Variants in KIF1A observed in about 807,000 individuals in gnomAD.
KIF1A encodes the protein kinesin family member 1A, also known as kinesin-like protein KIF1A.
In KIF1A, 46 loss-of-function variants were observed where a neutral mutation model predicts 227.3. That is an observed-to-expected ratio of 0.20 (90% confidence interval 0.16 to 0.26). The LOEUF (loss-of-function observed/expected upper bound fraction) is 0.26, where lower values mean the gene tolerates loss of function less well. KIF1A is among the 10% of genes least tolerant of loss of function. The pLI is 1.00. For synonymous variants in KIF1A, 1,022 were observed against 1,012.8 expected, an observed-to-expected ratio of 1.01 and a Z score of -0.17; for missense variants, 1,683 against 2,485.9, an observed-to-expected ratio of 0.68 and a Z score of 6.87.
intron 1 of KIF1A, among the ~76,000 whole-genome samples, chr2:240,813,566 G>A (rs568006986): frequency 9.8e-5 from 15 of 152,302 alleles, no homozygotes; most frequent in African/African-American, 3.4e-4. Context: ...AGCCTTCAGT[G>A]AGCTGAAGAA....
intron 1 of KIF1A, among the ~76,000 whole-genome samples, chr2:240,811,952 C>T (rs2057898507): frequency 6.6e-6 from 1 of 151,920 alleles, no homozygotes; most frequent in South Asian, 2.1e-4. Flanking sequence ...GGGATGGTGG[C>T]CATCCATGTG....
chr2:240,798,193 G>C (rs1472903262), intron 1 of KIF1A, among the ~76,000 whole-genome samples: 2 of 152,254 alleles, frequency 1.3e-5, no homozygotes, highest in Non-Finnish European at 2.9e-5. Context: ...AGCCAGTGCT[G>C]GCTCCAGATC....
intron 24 of KIF1A, 140 bp downstream of exon 24, chr2:240,761,089 G>A (rs2050465934): frequency 2.1e-5 from 23 of 1,090,476 alleles, no homozygotes; most frequent in Non-Finnish European, 2.4e-5. Flanking sequence ...CCCTTCTGGG[G>A]GGCCAGGTCA....
chr2:240,779,140 TCACAGTTCCA>T (rs1295847218), intron 10 of KIF1A, among the ~76,000 whole-genome samples: 17 of 141,194 alleles, frequency 1.2e-4, no homozygotes, highest in African/African-American at 3.9e-4. Flanking sequence ...ACTCAGTTCC[TCACAGTTCCA>T]CACAGTTCCA....
intron 7 of KIF1A, 133 bp from the exon 8 acceptor site, chr2:240,783,949 C>A (rs2054394443): frequency 2.9e-6 from 2 of 696,090 alleles, no homozygotes; most frequent in Non-Finnish European, 5.1e-6. Context: ...CGCCGCCCCT[C>A]CCCAGGCCCA....
chr2:240,764,365 G>A (rs985680583), intron 20 of KIF1A, among the ~76,000 whole-genome samples: 1 of 152,108 alleles, frequency 6.6e-6, no homozygotes, highest in Non-Finnish European at 1.5e-5. Flanking sequence ...CAGGGAGAAT[G>A]GGCACAGCTG....
chr2:240,725,644 T>C lies in KIF1A; in HGVS notation c.4123-240A>G. The C allele has an allele frequency of 1.9e-6, 1 of 515,598 alleles. No individual in the cohort carries two copies. The highest frequency in any genetic ancestry group is 3.4e-6 in the Non-Finnish European group (1 of 291,500). The allele number at this position is 515,598 out of a possible 1,614,324, so 31.9% of individuals were successfully genotyped here. A position where few individuals can be genotyped will look rare whatever the true frequency, so the allele number is the denominator to read the frequency against. On this transcript the variant is annotated intron_variant, in intron 39 of 48. Coordinates refer to ENST00000498729, the MANE Select transcript of KIF1A (RefSeq NM_001244008.2). This position sits in a 1 kb window ranked among gnomAD's most constrained non-coding sequence, Gnocchi z 5.8. Reference sequence around the variant, plus strand: ...CCCTGGGCTGCCTGAGGGACTGGTCTCCATGTGTGGGGACCCCGAGGGTCC... The same window carrying C: ...CCCTGGGCTGCCTGAGGGACTGGTCCCCATGTGTGGGGACCCCGAGGGTCC...
At chr2:240,738,154 G>A (rs145329535) in intron 37 of KIF1A, among the ~76,000 whole-genome samples, 27 of 152,306 alleles carry the variant, frequency 1.8e-4, no homozygotes, top group East Asian at 3.9e-4. Context: ...GGAGGGGAGC[G>A]CAGCTGCTCT....
At chr2:240,734,701 A>G (rs1278490182) in intron 38 of KIF1A, 2 of 1,303,850 alleles carry the variant, frequency 1.5e-6, no homozygotes, top group African/African-American at 1.5e-5. Context: ...AGGGTAAACC[A>G]AGGGTCACAG....
chr2:240,801,799 A>G (rs2056997187), intron 1 of KIF1A, among the ~76,000 whole-genome samples: 1 of 152,232 alleles, frequency 6.6e-6, no homozygotes, highest in African/African-American at 2.4e-5. Flanking sequence ...TCCTCAGCCA[A>G]TGTGCCTTAC....
chr2:240,773,929 C>T (rs997106038), intron 12 of KIF1A, among the ~76,000 whole-genome samples: 1 of 152,328 alleles, frequency 6.6e-6, no homozygotes, highest in African/African-American at 2.4e-5. Context: ...ACAGCTCTCC[C>T]AGTCTGGTGC....
Position 240,790,582 on chromosome 2 carries a change from C to A in KIF1A, c.107-1270G>T, listed in dbSNP as rs1575641395. 6.6e-6 allele frequency among the ~76,000 whole-genome samples: 1 copy of A among 151,894 alleles called. No homozygotes were observed. The highest frequency in any genetic ancestry group is 1.5e-5 in the Non-Finnish European group (1 of 68,004). On this transcript the variant is annotated intron_variant, in intron 2 of 48. Transcript: ENST00000498729. The surrounding 1 kb of genome is among the most constrained non-coding windows in gnomAD (Gnocchi z 5.0). ...CTAATTTCATATTTTGAAGCCTTTA[C>A]CCCCAGTATCTCAGAATGGGACCTC...
intron 10 of KIF1A, 124 bp from the exon 11 acceptor site, chr2:240,776,050 G>T: frequency 1.4e-6 from 1 of 715,012 alleles, no homozygotes. Flanking sequence ...GGCGGGGCCC[G>T]CTCTGCTGGA....
intron 42 of KIF1A, 95 bp from the exon 43 acceptor site, chr2:240,722,751 C>T: frequency 1.1e-6 from 1 of 950,266 alleles, no homozygotes; most frequent in Non-Finnish European, 1.5e-6. Context: ...TCTGGGCAGA[C>T]CCCGGAGAGC....
chr2:240,720,459 G>T (rs6735606), intron 45 of KIF1A, among the ~76,000 whole-genome samples: 27 of 152,240 alleles, frequency 1.8e-4, no homozygotes, highest in African/African-American at 6.0e-4. Context: ...CCCTTAAGGC[G>T]CTTAAAACAA....
intron 38 of KIF1A, among the ~76,000 whole-genome samples, chr2:240,733,625 C>T (rs2047001436): frequency 6.6e-6 from 1 of 152,198 alleles, no homozygotes; most frequent in Non-Finnish European, 1.5e-5. Context: ...CCCTCTGCCA[C>T]AGTTGTCAAT....
At chr2:240,744,496 G>A (rs1325670292) in intron 32 of KIF1A, among the ~76,000 whole-genome samples, 1 of 152,210 alleles carries the variant, frequency 6.6e-6, no homozygotes, top group Non-Finnish European at 1.5e-5. Context: ...TCCTGGGATA[G>A]GGCCTTTACA....
intron 11 of KIF1A, 63 bp from the exon 12 acceptor site, chr2:240,774,324 C>T (rs563500794): frequency 2.7e-4 from 288 of 1,068,550 alleles, no homozygotes; most frequent in Non-Finnish European, 4.0e-4. Flanking sequence ...ATGTCTGCTC[C>T]CCCCTTCCCC....
intron 23 of KIF1A, 23 bp from the exon 24 acceptor site, chr2:240,761,400 G>T: frequency 6.4e-7 from 1 of 1,560,176 alleles, no homozygotes. Context: ...GTCACACGTG[G>T]TCATCGCAGG....
Sources: gnomAD v4.1 joint callset for allele counts (sites outside exome capture counted in the v4.1 genomes callset) on GRCh38, gnomAD v4.1.1 for gene constraint, Gnocchi (gnomAD v3.1) non-coding constraint, MANE v1.5 for transcripts, NCBI Gene and HGNC (gene_info 2026-07-23, HGNC 2026-07-21) for gene names.